The following FGF4 variants were observed in gnomAD, a reference collection of about 807,000 sequenced individuals.
The protein encoded by FGF4 is fibroblast growth factor 4, also known as heparin secretory transforming protein 1.
Under a neutral mutation model 15.7 loss-of-function variants are expected in FGF4, and 9 were observed. The ratio of observed to expected loss-of-function variants is 0.57; its 90% CI spans 0.35 to 1.00. The LOEUF is 1.00. Ranked by LOEUF, FGF4 falls within the 50% of genes least tolerant of loss-of-function variation. The pLI, the probability that FGF4 is intolerant of heterozygous loss-of-function variation, is 0.02. For missense variants in FGF4, 286 were observed against 297.3 expected (o/e 0.96, Z 0.28); for synonymous variants, 164 against 144.8 (o/e 1.13, Z -0.95).
At chr11:69,773,960 C>A (rs993596899) in intron 2 of FGF4, 64 bp downstream of exon 2, 166 of 1,375,622 alleles carry the variant, frequency 1.2e-4, no homozygotes, top group Non-Finnish European at 1.6e-4. Flanking sequence ...GGAGAAGCCA[C>A]GAGCCTGCTA....
At position 69,771,304 on chromosome 11, in the gene FGF4, A is replaced by G. The variant is rs1855565683; in HGVS notation, c.*2005T>C. 6.6e-6 allele frequency: 1 copy of G among 152,248 alleles called. No individual in the cohort carries two copies. Among genetic ancestry groups the G allele is most frequent in the South Asian group, 2.1e-4 (1 of 4,836 alleles). The allele number at this position is 152,248 out of a possible 1,614,324, so 9.4% of individuals were successfully genotyped here. On this transcript the variant is annotated 3_prime_UTR_variant, in exon 3 of 3. Transcript: ENST00000168712. ...ATCACACATGATTTGTTGAAGAAAT[A>G]TCTATAAGAAGTGGTCAAGGGTGAT...
rs889121180 is a variant in FGF4 at position 69,772,918 on chromosome 11, C to T, written c.*391G>A. The T allele has an allele frequency of 9.1e-5, 19 of 209,266 alleles. No individual in the cohort carries two copies. Among genetic ancestry groups the T allele is most frequent in the East Asian group, 5.5e-4 (7 of 12,754 alleles). 13.0% of individuals were successfully genotyped at this position (209,266 alleles called of 1,614,324 possible). A position where few individuals can be genotyped will look rare whatever the true frequency, so the allele number is the denominator to read the frequency against. On this transcript the variant is annotated 3_prime_UTR_variant, in exon 3 of 3. Coordinates refer to ENST00000168712, the MANE Select transcript of FGF4 (RefSeq NM_002007.4). ...CTGAACTGGCTGCCCAAGCCTCAGG[C>T]GGGCCTTTCCAGACAGAGATGCTCC...
rs1036451813 is a variant in FGF4 at position 69,772,616 on chromosome 11, A to G, written c.*693T>C. 6.6e-6 allele frequency: 1 copy of G among 152,250 alleles called. No homozygotes were observed. The highest frequency in any genetic ancestry group is 1.5e-5 in the Non-Finnish European group (1 of 68,056). The allele number at this position is 152,250 out of a possible 1,614,324, so 9.4% of individuals were successfully genotyped here. On this transcript the variant is annotated 3_prime_UTR_variant, in exon 3 of 3. Coordinates refer to ENST00000168712, the MANE Select transcript of FGF4 (RefSeq NM_002007.4). ...ATGAAAGAGCTTCGTCTTTTCCCCA[A>G]TAGTCACAGCGATGGGGGCTGTCGC...
At chr11:69,773,823 C>T (rs1855605021) in intron 2 of FGF4, among the ~76,000 whole-genome samples, 1 of 152,166 alleles carries the variant, frequency 6.6e-6, no homozygotes, top group African/African-American at 2.4e-5. Context: ...CTGGGAGGGG[C>T]CCACTCAGGG....
At position 69,771,868 on chromosome 11, in the gene FGF4, T is replaced by G. The variant is rs1468586636; in HGVS notation, c.*1441A>C. ...GGTAGCAAGCTAAGGTCATTTTGTA[T>G]AAACTCTAAAAAGTCATTCATTAAA... On this transcript the variant is annotated 3_prime_UTR_variant, in exon 3 of 3. Coordinates refer to ENST00000168712, the MANE Select transcript of FGF4 (RefSeq NM_002007.4). The G allele has an allele frequency of 6.6e-6, 1 of 152,208 alleles. No homozygotes were observed. The highest frequency in any genetic ancestry group is 2.4e-5 in the African/African-American group (1 of 41,460). The allele number at this position is 152,208 out of a possible 1,614,324, so 9.4% of individuals were successfully genotyped here.
chr11:69,773,141 G>A lies in FGF4; in HGVS notation c.*168C>T, dbSNP rs920781613. 3.7e-6 allele frequency: 2 copies of A among 544,234 alleles called. No homozygotes were observed. Among genetic ancestry groups the A allele is most frequent in the African/African-American group, 1.9e-5 (1 of 52,686 alleles). The allele number at this position is 544,234 out of a possible 1,614,324, so 33.7% of individuals were successfully genotyped here. A position where few individuals can be genotyped will look rare whatever the true frequency, so the allele number is the denominator to read the frequency against. On this transcript the variant is annotated 3_prime_UTR_variant, in exon 3 of 3. Transcript: ENST00000168712. ...CAGAAAATTAAAAAACACACCCGCA[G>A]AACTATAAATAATTTGGTGGCAATA...
At chr11:69,773,927 A>C (rs1487404184) in intron 2 of FGF4, 97 bp downstream of exon 2, 32 of 1,029,848 alleles carry the variant, frequency 3.1e-5, no homozygotes, top group Non-Finnish European at 4.6e-5. Flanking sequence ...CCACCCCTCC[A>C]AGACCCAGGC....
rs1313142602 is a variant in FGF4, at chr11:69,774,958, G to C, written c.127C>G (p.Leu43Val). 3 of 1,476,264 alleles carry C rather than the reference G, an allele frequency of 2.0e-6. No individual in the cohort carries two copies. Among genetic ancestry groups the C allele is most frequent in the Admixed American group, 2.4e-5 (1 of 42,534 alleles). 91.4% of individuals were successfully genotyped at this position (1,476,264 alleles called of 1,614,324 possible). ...ACCAGGCTCTCCCAGCGGCGCTCCAGCTCGGCCTCCAGCGTGCCGTTGGGT... is the reference window on the plus strand; with the variant it reads ...ACCAGGCTCTCCCAGCGGCGCTCCACCTCGGCCTCCAGCGTGCCGTTGGGT... Reference protein sequence around the residue: ...TAPNGTLEAELERRWESLVAL... With the variant: ...TAPNGTLEAEVERRWESLVAL... The change falls in exon 1 of 3, where the codon CTG becomes GTG. Residue 43 changes from leucine to valine, a missense_variant. Physicochemically the swap from Leu to Val is conservative, Grantham distance 32. Coordinates refer to ENST00000168712, the MANE Select transcript of FGF4 (RefSeq NM_002007.4).
In FGF4 at chr11:69,774,943, C is replaced by T; in HGVS notation, c.142G>A (p.Glu48Lys). Residue 48 changes from glutamate (E) to lysine (K), a missense_variant, in exon 1 of 3, where the codon GAG becomes AAG. Physicochemically the swap from Glu to Lys is moderately conservative, Grantham distance 56. Coordinates refer to ENST00000168712, the MANE Select transcript of FGF4 (RefSeq NM_002007.4). Reference sequence around the variant, plus strand: ...GCCAACGAGAGCGCCACCAGGCTCTCCCAGCGGCGCTCCAGCTCGGCCTCC... The same window carrying T: ...GCCAACGAGAGCGCCACCAGGCTCTTCCAGCGGCGCTCCAGCTCGGCCTCC... ...TLEAELERRWESLVALSLARL... is the reference protein window; with the variant it reads ...TLEAELERRWKSLVALSLARL... 2 of 1,478,252 alleles carry T rather than the reference C, an allele frequency of 1.4e-6. No individual in the cohort carries two copies. The highest frequency in any genetic ancestry group is 1.3e-5 in the South Asian group (1 of 78,350). The allele number at this position is 1,478,252 out of a possible 1,614,324, so 91.6% of individuals were successfully genotyped here.
In FGF4 at chr11:69,774,130, G is replaced by T; in HGVS notation, c.341-3C>A. ...CACGGGCGAGAGCTCCAGCAGGCCT[G>T]GGGGCGGGGCGCAGGTCATTGCGGG... On this transcript the variant is annotated splice_polypyrimidine_tract_variant and splice_region_variant and intron_variant, in intron 1 of 2. Coordinates refer to ENST00000168712, the MANE Select transcript of FGF4 (RefSeq NM_002007.4). 1.2e-6 allele frequency: 2 copies of T among 1,609,478 alleles called. No homozygotes were observed. The highest frequency in any genetic ancestry group is 1.7e-6 in the Non-Finnish European group (2 of 1,178,396).
chr11:69,773,599 T>A, intron 2 of FGF4, 114 bp from the exon 3 acceptor site: 1 of 923,734 alleles, frequency 1.1e-6, no homozygotes, highest in Non-Finnish European at 1.7e-6. Flanking sequence ...GGCTGAGATG[T>A]CTCTGCTGAG....
At position 69,771,290 on chromosome 11, in the gene FGF4, T is replaced by G. The variant is rs1304793898; in HGVS notation, c.*2019A>C. ...GTGTTCCTACAGGCATCACACATGA[T>G]TTGTTGAAGAAATATCTATAAGAAG... On this transcript the variant is annotated 3_prime_UTR_variant, in exon 3 of 3. Coordinates refer to ENST00000168712, the MANE Select transcript of FGF4 (RefSeq NM_002007.4). The G allele has an allele frequency of 6.6e-6, 1 of 152,210 alleles. No homozygotes were observed. The highest frequency in any genetic ancestry group is 1.5e-5 in the Non-Finnish European group (1 of 68,040). The allele number at this position is 152,210 out of a possible 1,614,324, so 9.4% of individuals were successfully genotyped here.
chr11:69,774,099 C>T lies in FGF4; in HGVS notation c.369G>A (p.Arg123=). The change falls in exon 2 of 3, where the codon CGG becomes CGA. Residue 123 remains arginine (R), a synonymous_variant. Transcript: ENST00000168712. The stretch of plus-strand genomic sequence containing the variant: ...CCACGCCGAAGATGCTCACCACGCC[C>T]CGCTCCACGGGCGAGAGCTCCAGCA... The part of the protein sequence containing the change: ...DSLLELSPVE[R]GVVSIFGVAS... 1 of 1,612,778 alleles carries T rather than the reference C, an allele frequency of 6.2e-7. No individual in the cohort carries two copies. Among genetic ancestry groups the T allele is most frequent in the Non-Finnish European group, 8.5e-7 (1 of 1,179,906 alleles).
At position 69,772,685 on chromosome 11, in the gene FGF4, G is replaced by C. The variant is rs1029397049; in HGVS notation, c.*624C>G. On this transcript the variant is annotated 3_prime_UTR_variant, in exon 3 of 3. Transcript: ENST00000168712. ...CAGGAGTTTATAAAGTTGTCCAAGG[G>C]TCTCTCCCATCTGGTAGATCGAGGA... is the stretch of plus-strand genomic sequence containing the variant. 6.6e-6 allele frequency: 1 copy of C among 152,546 alleles called. No individual in the cohort carries two copies. Among genetic ancestry groups the C allele is most frequent in the Admixed American group, 6.5e-5 (1 of 15,292 alleles). 9.4% of individuals were successfully genotyped at this position (152,546 alleles called of 1,614,324 possible).
At chr11:69,774,658 C>A in intron 1 of FGF4, 87 bp downstream of exon 1, 1 of 1,101,284 alleles carries the variant, frequency 9.1e-7, no homozygotes, top group Non-Finnish European at 1.2e-6. Context: ...AGGTGCCCGC[C>A]GAGGGTCTCA....
At position 69,771,760 on chromosome 11, in the gene FGF4, C is replaced by G. The variant is rs1039092712; in HGVS notation, c.*1549G>C. 1.3e-5 allele frequency: 2 copies of G among 152,160 alleles called. No individual in the cohort carries two copies. Among genetic ancestry groups the G allele is most frequent in the Non-Finnish European group, 2.9e-5 (2 of 68,042 alleles). 9.4% of individuals were successfully genotyped at this position (152,160 alleles called of 1,614,324 possible). On this transcript the variant is annotated 3_prime_UTR_variant, in exon 3 of 3. Coordinates refer to ENST00000168712, the MANE Select transcript of FGF4 (RefSeq NM_002007.4). Reference sequence around the variant, plus strand: ...ATTTTCCAGTCTTGCTGTCTGTAGACTCCCATAAAGTTAATTCGGGAGACA... The same window carrying G: ...ATTTTCCAGTCTTGCTGTCTGTAGAGTCCCATAAAGTTAATTCGGGAGACA...
intron 1 of FGF4, among the ~76,000 whole-genome samples, chr11:69,774,385 C>T (rs1855613321): frequency 6.6e-6 from 1 of 152,142 alleles, no homozygotes; most frequent in South Asian, 2.1e-4. Context: ...GACCTTCAGA[C>T]GCGAGCCCGA....
Position 69,773,294 on chromosome 11 carries a change from G to A in FGF4, c.*15C>T, listed in dbSNP as rs1179030134. 2.5e-6 allele frequency: 4 copies of A among 1,613,282 alleles called. No individual in the cohort carries two copies. Among genetic ancestry groups the A allele is most frequent in the South Asian group, 1.1e-5 (1 of 91,054 alleles). ...CAGGGGCTTCCCGAGGCTGAGGCAA[G>A]GGTCCTCTGGAGGGTCACAGCCTGG... On this transcript the variant is annotated 3_prime_UTR_variant, in exon 3 of 3. Coordinates refer to ENST00000168712, the MANE Select transcript of FGF4 (RefSeq NM_002007.4).
At position 69,772,876 on chromosome 11, in the gene FGF4, C is replaced by T. The variant is rs957592519; in HGVS notation, c.*433G>A. 1 of 196,298 alleles carries T rather than the reference C, an allele frequency of 5.1e-6. No homozygotes were observed. The highest frequency in any genetic ancestry group is 2.3e-5 in the African/African-American group (1 of 42,780). 12.2% of individuals were successfully genotyped at this position (196,298 alleles called of 1,614,324 possible). On this transcript the variant is annotated 3_prime_UTR_variant, in exon 3 of 3. Transcript: ENST00000168712. ...GGCCTCTGAGGATGCTAGCCGAGAG[C>T]CAAGCCTGGGAGCTCCCTGAACTGG...
Sources: gnomAD v4.1 joint callset for allele counts (sites outside exome capture counted in the v4.1 genomes callset) on GRCh38, gnomAD v4.1.1 for gene constraint, MANE v1.5 for transcripts, NCBI Gene and HGNC (gene_info 2026-07-23, HGNC 2026-07-21) for gene names.